RYR1: variants seen among roughly 807,000 people sequenced by gnomAD.
RYR1 encodes the protein central core disease of muscle.
Under a neutral mutation model 583.5 loss-of-function variants are expected in RYR1, and 342 were observed. The observed-to-expected ratio is 0.59, with a 90% CI of 0.54 to 0.64. The LOEUF (loss-of-function observed/expected upper bound fraction) is 0.64. Among genes scored for constraint, RYR1 ranks in the 30% least tolerant of loss-of-function variants. RYR1 has a pLI of 0.00. For synonymous variants in RYR1, 2,791 were observed against 2,822.5 expected (o/e 0.99, Z 0.35); for missense variants, 6,032 against 6,917.2 (o/e 0.87, Z 4.54).
Position 38,517,430 on chromosome 19 carries a change from A to G in RYR1, c.9757A>G (p.Ile3253Val), listed in dbSNP as rs1195346543. Reference protein sequence around the residue: ...IPVLERLMADIGGLAESGARY... With the variant: ...IPVLERLMADVGGLAESGARY... ...GGTGCTGGAGCGGCTCATGGCAGACATTGGGGGGCTGGCCGAGTCAGGTGC... is the reference window on the plus strand; with the variant it reads ...GGTGCTGGAGCGGCTCATGGCAGACGTTGGGGGGCTGGCCGAGTCAGGTGC... Residue 3253 changes from isoleucine (I) to valine (V), a missense_variant, in exon 66 of 106, where the codon ATT (isoleucine) becomes GTT (valine). Ile to Val is a conservative substitution (Grantham distance 29, BLOSUM62 3). Transcript: ENST00000359596. 4 of 1,613,986 alleles carry G rather than the reference A, an allele frequency of 2.5e-6. No homozygotes were observed. The highest frequency in any genetic ancestry group is 1.1e-5 in the South Asian group (1 of 91,070).
chr19:38,461,836 C>T (rs1315889855), intron 20 of RYR1, among the ~76,000 whole-genome samples: 2 of 151,300 alleles, frequency 1.3e-5, no homozygotes, highest in Non-Finnish European at 2.9e-5. Context: ...GGGCAGATCA[C>T]CTAAAGTCAG....
chr19:38,576,742 G>A (rs1357171491), intron 97 of RYR1, among the ~76,000 whole-genome samples: 1 of 152,096 alleles, frequency 6.6e-6, no homozygotes, highest in East Asian at 1.9e-4. Context: ...AGAGGCTGCA[G>A]TGAGCCGAGA....
At chr19:38,530,169 G>A (rs1971667524) in intron 76 of RYR1, among the ~76,000 whole-genome samples, 1 of 152,104 alleles carries the variant, frequency 6.6e-6, no homozygotes, top group African/African-American at 2.4e-5. Context: ...GGCCATGCTT[G>A]TCTCAAACTC....
intron 66 of RYR1, 117 bp downstream of exon 66, chr19:38,517,808 G>GT (rs1040446280): frequency 7.0e-6 from 7 of 1,002,126 alleles, no homozygotes; most frequent in African/African-American, 6.4e-5. Context: ...CAGAGTGTAG[G>GT]TTTTTTCAGC....
chr19:38,519,136 G>A, intron 66 of RYR1, 78 bp from the exon 67 acceptor site: 7 of 1,610,516 alleles, frequency 4.3e-6, no homozygotes, highest in Non-Finnish European at 4.2e-6. Flanking sequence ...GATGCTGTTT[G>A]GGAGTCGGGC....
At chr19:38,573,989 C>T (rs1973844229) in intron 96 of RYR1, among the ~76,000 whole-genome samples, 2 of 151,908 alleles carry the variant, frequency 1.3e-5, no homozygotes, top group Non-Finnish European at 2.9e-5. Flanking sequence ...GCCTGTAATC[C>T]CAACACTTGG....
chr19:38,586,418 C>T (rs1974491051), intron 104 of RYR1, 107 bp from the exon 105 acceptor site: 17 of 1,255,618 alleles, frequency 1.4e-5, no homozygotes, highest in East Asian at 2.3e-5. Flanking sequence ...GCCAGGAGTT[C>T]GAGACCAGCT....
intron 1 of RYR1, among the ~76,000 whole-genome samples, chr19:38,440,443 G>A (rs747937018): frequency 8.5e-5 from 13 of 152,186 alleles, no homozygotes; most frequent in Non-Finnish European, 1.6e-4. Flanking sequence ...GGAGGCTGAG[G>A]CAGGAGAATC....
At chr19:38,494,218 G>C in intron 38 of RYR1, 134 bp from the exon 39 acceptor site, 1 of 966,994 alleles carries the variant, frequency 1.0e-6, no homozygotes, top group South Asian at 1.3e-5. Flanking sequence ...GCTCCCAGCA[G>C]GTGGAGGGCG....
At chr19:38,471,026 A>G (rs759689034) in intron 27 of RYR1, among the ~76,000 whole-genome samples, 9 of 152,248 alleles carry the variant, frequency 5.9e-5, no homozygotes, top group Non-Finnish European at 1.3e-4. Context: ...ATGTGGACGA[A>G]TCTCAGACAT....
At chr19:38,559,647 C>T (rs1350032185) in intron 89 of RYR1, among the ~76,000 whole-genome samples, 1 of 152,036 alleles carries the variant, frequency 6.6e-6, no homozygotes, top group Non-Finnish European at 1.5e-5. Flanking sequence ...TCTCCATGCT[C>T]TGTGGTTTCT....
chr19:38,580,296 C>T, intron 100 of RYR1, 74 bp from the exon 101 acceptor site: 1 of 1,601,776 alleles, frequency 6.2e-7, no homozygotes, highest in Non-Finnish European at 8.5e-7. Context: ...GAACCGGGGC[C>T]AGGACCCAGC....
chr19:38,529,466 C>T (rs1253232515), intron 76 of RYR1, among the ~76,000 whole-genome samples: 1 of 152,060 alleles, frequency 6.6e-6, no homozygotes, highest in Non-Finnish European at 1.5e-5. Flanking sequence ...GGCGACAGAG[C>T]GAGACTCTGT....
intron 37 of RYR1, 81 bp from the exon 38 acceptor site, chr19:38,492,409 T>A (rs905794899): frequency 5.9e-6 from 8 of 1,356,184 alleles, no homozygotes; most frequent in Non-Finnish European, 8.4e-6. Context: ...TGCATGCACA[T>A]ATGCACAAAT....
chr19:38,570,592 TC>T lies in RYR1; in HGVS notation c.13660-14del. 1 of 1,607,260 alleles carries T rather than the reference TC, an allele frequency of 6.2e-7. No homozygotes were observed. The highest frequency in any genetic ancestry group is 1.1e-5 in the South Asian group (1 of 90,922). On this transcript the variant is annotated splice_polypyrimidine_tract_variant and intron_variant, in intron 93 of 105. Coordinates refer to ENST00000359596, the MANE Select transcript of RYR1 (RefSeq NM_000540.3). Reference sequence around the variant, plus strand: ...GATCTGTGAGCGCTTTCTCTCTTTTTCTCTTCTCTCTCAGAACTACCTGTCC... The same window carrying T: ...GATCTGTGAGCGCTTTCTCTCTTTTTTCTTCTCTCTCAGAACTACCTGTCC...
chr19:38,502,764 GGGGC>G (rs763845244), intron 48 of RYR1, 37 bp downstream of exon 48: 160 of 773,564 alleles, frequency 2.1e-4, no homozygotes, highest in Middle Eastern at 3.8e-4. Context: ...GGCAGGGGCA[GGGGC>G]AGGGGCAGGG....
chr19:38,528,035 G>A, intron 73 of RYR1: 1 of 618,436 alleles, frequency 1.6e-6, no homozygotes, highest in African/African-American at 1.8e-5. Flanking sequence ...GAGGAGATGC[G>A]TTGAGTTTGT....
chr19:38,517,870 A>T (rs878879087), intron 66 of RYR1, among the ~76,000 whole-genome samples, 179 bp downstream of exon 66: 1 of 152,196 alleles, frequency 6.6e-6, no homozygotes, highest in African/African-American at 2.4e-5. Flanking sequence ...TGTAACACCA[A>T]CACTTTGGGA....
Position 38,452,847 on chromosome 19 carries a change from C to G in RYR1, c.1273C>G (p.Arg425Gly). 1 of 1,603,252 alleles carries G rather than the reference C, an allele frequency of 6.2e-7. No individual in the cohort carries two copies. Among genetic ancestry groups the G allele is most frequent in the Non-Finnish European group, 8.5e-7 (1 of 1,175,116 alleles). ...CCTGGACAGCTTCAGCGGGAAGCCA[C>G]GGGGCTCGGGGCCACCCGCTGGCAC... ...KSLDSFSGKPRGSGPPAGTAL... is the reference protein window; with the variant it reads ...KSLDSFSGKPGGSGPPAGTAL... The change falls in exon 13 of 106, where the codon CGG becomes GGG. Residue 425 changes from arginine (R) to glycine (G), a missense_variant. Arg to Gly is a moderately radical substitution (Grantham distance 125, BLOSUM62 -2). Coordinates refer to ENST00000359596, the MANE Select transcript of RYR1 (RefSeq NM_000540.3).
Sources: allele counts gnomAD v4.1 joint callset (sites outside exome capture counted in the v4.1 genomes callset), GRCh38; gene constraint gnomAD v4.1.1; transcripts MANE v1.5; gene names NCBI Gene and HGNC (gene_info 2026-07-23, HGNC 2026-07-21).